The following NRG1 variants were observed in gnomAD, a reference collection of about 807,000 sequenced individuals.
The protein encoded by NRG1 is neuregulin 1, also known as pro-neuregulin-1, membrane-bound isoform.
A neutral mutation model predicts 63.8 loss-of-function variants in NRG1; 18 were observed. The ratio of observed to expected loss-of-function variants is 0.28; its 90% CI spans 0.19 to 0.42. NRG1 has a LOEUF of 0.42. Among genes scored for constraint, NRG1 ranks in the 10% least tolerant of loss-of-function variants. The pLI, the probability that NRG1 is intolerant of heterozygous loss-of-function variation, is 1.00. For synonymous variants in NRG1, 302 were observed against 301.3 expected (o/e 1.00, Z -0.02); for missense variants, 762 against 814.7 (o/e 0.94, Z 0.79).
chr8:31,649,610 T>A (rs1355588640), intron 1 of NRG1, among the ~76,000 whole-genome samples: 3 of 152,138 alleles, frequency 2.0e-5, no homozygotes, highest in Non-Finnish European at 4.4e-5. Flanking sequence ...TTACAATGGA[T>A]AACAGCTTAA....
At chr8:32,625,276 TC>T (rs1849017836) in intron 5 of NRG1, among the ~76,000 whole-genome samples, 1 of 152,222 alleles carries the variant, frequency 6.6e-6, no homozygotes, top group Non-Finnish European at 1.5e-5. Context: ...CTACCAAAGG[TC>T]AGCAAACTCT....
intron 1 of NRG1, among the ~76,000 whole-genome samples, chr8:32,211,394 G>A (rs1844690298): frequency 6.6e-6 from 1 of 152,156 alleles, no homozygotes; most frequent in Admixed American, 6.6e-5. Context: ...TGTCCCTTGT[G>A]CATAAATCGT....
intron 1 of NRG1, among the ~76,000 whole-genome samples, chr8:32,080,778 T>C (rs200699414): frequency 0.14 from 20,910 of 146,756 alleles, 1,547 homozygotes; most frequent in African/African-American, 0.16. Context: ...TGTGTGTGTG[T>C]GTGTGTGTGT....
intron 1 of NRG1, among the ~76,000 whole-genome samples, chr8:32,295,287 AG>A (rs1340579357): frequency 5.9e-5 from 9 of 152,170 alleles, no homozygotes; most frequent in Non-Finnish European, 1.5e-5. Context: ...GTCAGAATAA[AG>A]GAAAATTTTA....
intron 2 of NRG1, among the ~76,000 whole-genome samples, chr8:32,605,259 T>TA (rs1845071483): frequency 6.6e-6 from 1 of 152,166 alleles, no homozygotes; most frequent in African/African-American, 2.4e-5. Flanking sequence ...AAATCTAAAG[T>TA]ATAACACAGT....
At chr8:32,399,565 T>A (rs1233287268) in intron 1 of NRG1, among the ~76,000 whole-genome samples, 2 of 152,036 alleles carry the variant, frequency 1.3e-5, no homozygotes. Flanking sequence ...ACTAGCCAGG[T>A]GTGGTGGCAA....
chr8:31,810,343 T>C (rs941321093), intron 1 of NRG1, among the ~76,000 whole-genome samples: 11 of 152,154 alleles, frequency 7.2e-5, no homozygotes, highest in Non-Finnish European at 1.5e-4. Flanking sequence ...CATCACTCCC[T>C]GCAAACAACA....
chr8:31,658,547 C>T (rs1025709257), intron 1 of NRG1, among the ~76,000 whole-genome samples: 2 of 152,168 alleles, frequency 1.3e-5, no homozygotes, highest in Non-Finnish European at 2.9e-5. Flanking sequence ...ACTACAAACT[C>T]TACCTCCCTG....
intron 1 of NRG1, among the ~76,000 whole-genome samples, chr8:32,138,961 G>A (rs1835899217): frequency 6.6e-6 from 1 of 152,130 alleles, no homozygotes; most frequent in South Asian, 2.1e-4. Context: ...TTTTTCAAAA[G>A]AGAAATCAAT....
At chr8:32,729,384 C>T (rs1823064892) in intron 6 of NRG1, among the ~76,000 whole-genome samples, 1 of 152,142 alleles carries the variant, frequency 6.6e-6, no homozygotes. Context: ...TTTTAAAAGT[C>T]GTTCCTTAAA....
chr8:32,756,334 T>G, intron 8 of NRG1, 69 bp from the exon 9 acceptor site: 1 of 1,561,938 alleles, frequency 6.4e-7, no homozygotes, highest in African/African-American at 1.4e-5. Flanking sequence ...GTTGGTAGAA[T>G]AAAGACTTGG....
In NRG1 at chr8:31,640,160, C is replaced by T. The variant is rs908243331; in HGVS notation, c.37+729C>T. 9 of 1,180,320 alleles carry T rather than the reference C, an allele frequency of 7.6e-6. No homozygotes were observed. The highest frequency in any genetic ancestry group is 3.3e-4 in the Middle Eastern group (1 of 3,014). 73.1% of individuals were successfully genotyped at this position (1,180,320 alleles called of 1,614,324 possible). On this transcript the variant is annotated intron_variant, in intron 1 of 10. Transcript: ENST00000519301. The surrounding 1 kb of genome is among the most constrained non-coding windows in gnomAD (Gnocchi z 6.3). ...GGCAACGAGGCGGCTCCCGCGGGGGCCTCGGTGTGCTACTCGTCCCCGCCC... is the reference window on the plus strand; with the variant it reads ...GGCAACGAGGCGGCTCCCGCGGGGGTCTCGGTGTGCTACTCGTCCCCGCCC...
At chr8:32,579,013 A>AT (rs1171342661) in intron 1 of NRG1, among the ~76,000 whole-genome samples, 1 of 152,122 alleles carries the variant, frequency 6.6e-6, no homozygotes, top group Non-Finnish European at 1.5e-5. Context: ...AAATGATGAT[A>AT]TTTTTATCAG....
rs531650320 is a variant in NRG1, at chr8:32,015,235, A to G, written c.37+375804A>G. ...ACAGCTTGCACAAGCCCCCAAACAA[A>G]AAAACTGTGATGAAATGGCTAAATA... On this transcript the variant is annotated intron_variant, in intron 1 of 10. Coordinates refer to the NRG1 transcript ENST00000519301. Among the ~76,000 whole-genome samples the G allele has an allele frequency of 1.5e-4, 23 of 152,250 alleles. 1 individual carries two copies. The highest frequency in any genetic ancestry group is 5.3e-4 in the African/African-American group (22 of 41,560).
At chr8:32,025,619 T>A (rs77824691) in intron 1 of NRG1, among the ~76,000 whole-genome samples, 1,575 of 151,586 alleles carry the variant, frequency 0.01, 30 homozygotes, top group South Asian at 0.086. Flanking sequence ...TTTTTTTTTT[T>A]TTTTTTATTT....
Position 31,640,175 on chromosome 8 carries a change from C to A in NRG1, c.37+744C>A. Reference sequence around the variant, plus strand: ...CCCGCGGGGGCCTCGGTGTGCTACTCGTCCCCGCCCAGCGTGGGATCGGTG... The same window carrying A: ...CCCGCGGGGGCCTCGGTGTGCTACTAGTCCCCGCCCAGCGTGGGATCGGTG... On this transcript the variant is annotated intron_variant, in intron 1 of 10. Coordinates refer to the NRG1 transcript ENST00000519301. The surrounding 1 kb of genome is among the most constrained non-coding windows in gnomAD (Gnocchi z 6.3). 1 of 1,186,104 alleles carries A rather than the reference C, an allele frequency of 8.4e-7. No homozygotes were observed. The highest frequency in any genetic ancestry group is 3.5e-5 in the South Asian group (1 of 28,658). The allele number at this position is 1,186,104 out of a possible 1,614,324, so 73.5% of individuals were successfully genotyped here.
At chr8:31,883,291 A>G (rs967382733) in intron 1 of NRG1, among the ~76,000 whole-genome samples, 2 of 152,136 alleles carry the variant, frequency 1.3e-5, no homozygotes, top group African/African-American at 2.4e-5. Flanking sequence ...AAATTAAGGT[A>G]TGTACATTTT....
intron 1 of NRG1, among the ~76,000 whole-genome samples, chr8:32,559,891 A>G (rs1836042244): frequency 6.6e-6 from 1 of 151,454 alleles, no homozygotes; most frequent in African/African-American, 2.4e-5. Flanking sequence ...GCATGGTGGG[A>G]TGCACCTGTA....
At chr8:32,725,592 C>G (rs979913793) in intron 5 of NRG1, among the ~76,000 whole-genome samples, 1 of 147,048 alleles carries the variant, frequency 6.8e-6, no homozygotes, top group East Asian at 2.1e-4. Context: ...TCTCCTGCCT[C>G]AACCTCCTGA....
Sources: gnomAD v4.1 joint callset for allele counts (sites outside exome capture counted in the v4.1 genomes callset) on GRCh38, gnomAD v4.1.1 for gene constraint, Gnocchi (gnomAD v3.1) non-coding constraint, MANE v1.5 for transcripts, NCBI Gene and HGNC (gene_info 2026-07-23, HGNC 2026-07-21) for gene names.